Variants in CHRDL1 observed in about 807,000 individuals in gnomAD.
CHRDL1 encodes chordin-like protein 1.
A neutral mutation model predicts 40.9 loss-of-function variants in CHRDL1; 19 were observed. The observed-to-expected ratio is 0.46, with a 90% CI of 0.32 to 0.68. CHRDL1 has a LOEUF of 0.68. Ranked by LOEUF, CHRDL1 falls within the 30% of genes least tolerant of loss-of-function variation. The pLI is 0.03. For missense variants in CHRDL1, 329 were observed against 352.1 expected (o/e 0.93, Z 0.53); for synonymous variants, 136 against 123.4 (o/e 1.10, Z -0.68).
intron 6 of CHRDL1, among the ~76,000 whole-genome samples, chrX:110,716,654 G>T (rs946240653): frequency 9.0e-6 from 1 of 110,700 alleles, no homozygotes; most frequent in Non-Finnish European, 1.9e-5. Context: ...AGAAATTAGG[G>T]ATGGAAGTGG....
At chrX:110,701,350 G>T (rs2070509204) in intron 6 of CHRDL1, among the ~76,000 whole-genome samples, 2 of 111,855 alleles carry the variant, frequency 1.8e-5, no homozygotes, top group Admixed American at 9.5e-5. Context: ...AAGCGAATGG[G>T]AAGAGCCTTG....
At chrX:110,738,708 C>G (rs1301306348) in intron 4 of CHRDL1, among the ~76,000 whole-genome samples, 2 of 105,514 alleles carry the variant, frequency 1.9e-5, no homozygotes, top group Non-Finnish European at 3.9e-5. Context: ...CGCCACTACA[C>G]TCCAGCCTGG....
chrX:110,738,455 C>T (rs148348751), intron 4 of CHRDL1, among the ~76,000 whole-genome samples: 1 of 111,484 alleles, frequency 9.0e-6, no homozygotes, highest in African/African-American at 3.3e-5. Flanking sequence ...ACACCTGAAC[C>T]GAGAAGTAGC....
Position 110,689,675 on chromosome X carries a change from CTA to C in CHRDL1, c.779-874_779-873del, listed in dbSNP as rs1222959441. ...ATATATCATCTATATATCTATATAT[CTA>C]TATATCTATATATCTATATATCTAT... is the stretch of plus-strand genomic sequence containing the variant. On this transcript the variant is annotated intron_variant, in intron 8 of 11. Coordinates refer to ENST00000372042, the MANE Select transcript of CHRDL1 (RefSeq NM_001143981.2). 6.8e-5 allele frequency among the ~76,000 whole-genome samples: 2 copies of C among 29,412 alleles called. 1 individual carries two copies. Among genetic ancestry groups the C allele is most frequent in the Non-Finnish European group, 9.7e-5 (2 of 20,552 alleles). 25.5% of individuals were successfully genotyped at this position (29,412 alleles called of 115,157 possible).
At chrX:110,720,007 A>C in intron 5 of CHRDL1, 79 bp from the exon 6 acceptor site, 1 of 577,233 alleles carries the variant, frequency 1.7e-6, no homozygotes, top group Non-Finnish European at 2.8e-6. Context: ...GAAATAGAGC[A>C]GGGACTCAAA....
chrX:110,679,193 AGAAGAGAGATG>A, intron 11 of CHRDL1, 132 bp downstream of exon 11: 2 of 486,604 alleles, frequency 4.1e-6, no homozygotes, highest in Non-Finnish European at 7.3e-6. Context: ...TAAGTCACCC[AGAAGAGAGATG>A]GAACATCCTT....
chrX:110,697,189 CT>C (rs2070403576), intron 7 of CHRDL1, among the ~76,000 whole-genome samples: 1 of 110,687 alleles, frequency 9.0e-6, no homozygotes, highest in South Asian at 3.9e-4. Context: ...ATATTTCAGG[CT>C]TTAGAGGTGG....
chrX:110,687,865 A>T (rs1205791194), intron 9 of CHRDL1, among the ~76,000 whole-genome samples: 3 of 111,557 alleles, frequency 2.7e-5, no homozygotes, highest in Non-Finnish European at 1.9e-5. Context: ...AAAAACTACC[A>T]TTTAAATAAT....
At chrX:110,694,500 G>A (rs147591130) in intron 7 of CHRDL1, among the ~76,000 whole-genome samples, 169 bp from the exon 8 acceptor site, 3,261 of 111,882 alleles carry the variant, frequency 0.029, 124 homozygotes, top group African/African-American at 0.1. Context: ...TGTACAAGCA[G>A]CTGACATTTT....
At chrX:110,717,416 C>T (rs977966179) in intron 6 of CHRDL1, among the ~76,000 whole-genome samples, 6 of 111,893 alleles carry the variant, frequency 5.4e-5, no homozygotes, top group African/African-American at 1.9e-4. Flanking sequence ...TGAGGTTAGA[C>T]CATGAAAGGC....
chrX:110,726,191 G>C (rs887382654), intron 4 of CHRDL1, among the ~76,000 whole-genome samples: 2 of 111,362 alleles, frequency 1.8e-5, no homozygotes, highest in African/African-American at 6.5e-5. Flanking sequence ...TTGGTCTCTG[G>C]GGTCCCAGCT....
Position 110,700,178 on chromosome X carries a change from G to C in CHRDL1, c.609+476C>G, listed in dbSNP as rs190451541. On this transcript the variant is annotated intron_variant, in intron 7 of 11. Transcript: ENST00000372042. ...AAGGGAGACATCACCAGGCTGAAGA[G>C]AGGAGAATCCAGACTGCTACCTTTC... Among the ~76,000 whole-genome samples, 162 of 112,072 alleles carry C rather than the reference G, an allele frequency of 1.4e-3. 4 individuals carry two copies. In the East Asian group the frequency reaches 0.043, roughly 30 times the overall value.
chrX:110,696,485 T>C, intron 7 of CHRDL1, among the ~76,000 whole-genome samples: 1 of 109,201 alleles, frequency 9.2e-6, no homozygotes, highest in East Asian at 2.9e-4. Context: ...TTTTTGGAGA[T>C]GGTAGGAGTG....
chrX:110,676,910 G>A (rs2069789326), intron 11 of CHRDL1, among the ~76,000 whole-genome samples: 1 of 110,689 alleles, frequency 9.0e-6, no homozygotes, highest in Non-Finnish European at 1.9e-5. Flanking sequence ...ACGTCCACAT[G>A]CTGTCCTTAT....
chrX:110,768,434 G>T (rs1247203954), intron 2 of CHRDL1, among the ~76,000 whole-genome samples: 1 of 110,845 alleles, frequency 9.0e-6, no homozygotes, highest in Non-Finnish European at 1.9e-5. Flanking sequence ...GGGTGTATCT[G>T]GGTGTCTCTG....
At chrX:110,732,614 G>A (rs902355398) in intron 4 of CHRDL1, among the ~76,000 whole-genome samples, 1 of 111,649 alleles carries the variant, frequency 9.0e-6, no homozygotes, top group African/African-American at 3.3e-5. Context: ...TCCCACTTCC[G>A]TCAGTGTTTC....
chrX:110,702,115 A>G (rs2070525549), intron 6 of CHRDL1, among the ~76,000 whole-genome samples: 1 of 111,200 alleles, frequency 9.0e-6, no homozygotes, highest in Non-Finnish European at 1.9e-5. Context: ...CAAAACCCTC[A>G]GTGGGTTCCC....
intron 2 of CHRDL1, among the ~76,000 whole-genome samples, chrX:110,791,278 T>C (rs979869058): frequency 9.0e-6 from 1 of 111,586 alleles, no homozygotes; most frequent in Non-Finnish European, 1.9e-5. Context: ...GCTTAGGCTT[T>C]TCCTTCAAAT....
chrX:110,701,022 G>C (rs185311762), intron 6 of CHRDL1, among the ~76,000 whole-genome samples: 28 of 112,024 alleles, frequency 2.5e-4, no homozygotes, highest in Non-Finnish European at 1.9e-5. Context: ...TGTCACTTTT[G>C]CTCATTTTAC....
Sources: allele counts gnomAD v4.1 joint callset (sites outside exome capture counted in the v4.1 genomes callset), GRCh38; gene constraint gnomAD v4.1.1; transcripts MANE v1.5; gene names NCBI Gene and HGNC (gene_info 2026-07-23, HGNC 2026-07-21).